BSDC1: variants seen among roughly 807,000 people sequenced by gnomAD.
BSDC1 encodes BSD domain containing 1, also known as BSD domain-containing protein 1.
Under a neutral mutation model 56.0 loss-of-function variants are expected in BSDC1, and 29 were observed. That is an observed-to-expected ratio of 0.52 (90% confidence interval 0.39 to 0.71). The LOEUF (loss-of-function observed/expected upper bound fraction) is 0.71, where lower values mean the gene tolerates loss of function less well. Among genes scored for constraint, BSDC1 ranks in the 30% least tolerant of loss-of-function variants. The pLI, the probability that BSDC1 is intolerant of heterozygous loss-of-function variation, is 0.00. For missense variants in BSDC1, 477 were observed against 548.5 expected (o/e 0.87, Z 1.30); for synonymous variants, 210 against 215.3 (o/e 0.98, Z 0.21).
intron 9 of BSDC1, chr1:32,369,474 A>C (rs1335777091): frequency 2.9e-6 from 1 of 343,214 alleles, no homozygotes; most frequent in African/African-American, 2.2e-5. Context: ...ATGCCACTGC[A>C]GTCCAGCCTG....
At chr1:32,390,780 A>G (rs1264700849) in intron 2 of BSDC1, among the ~76,000 whole-genome samples, 2 of 152,040 alleles carry the variant, frequency 1.3e-5, no homozygotes, top group African/African-American at 4.8e-5. Flanking sequence ...GCGTGATGGT[A>G]CACGCCTATA....
intron 9 of BSDC1, among the ~76,000 whole-genome samples, 198 bp downstream of exon 9, chr1:32,376,064 T>C (rs1487998137): frequency 6.6e-6 from 1 of 152,246 alleles, no homozygotes; most frequent in Admixed American, 6.5e-5. Context: ...CAATTGAAGA[T>C]GCATTCTTAT....
intron 5 of BSDC1, 93 bp downstream of exon 5, chr1:32,381,121 C>T (rs565446984): frequency 2.0e-5 from 26 of 1,277,682 alleles, no homozygotes; most frequent in African/African-American, 1.6e-4. Flanking sequence ...AGGGGGTGCC[C>T]GGCCTCTGCT....
At chr1:32,379,565 A>G (rs1010582822) in intron 5 of BSDC1, among the ~76,000 whole-genome samples, 14 of 151,946 alleles carry the variant, frequency 9.2e-5, no homozygotes, top group African/African-American at 2.4e-4. Flanking sequence ...CCCTTATCCA[A>G]TCACTCTGGA....
intron 3 of BSDC1, among the ~76,000 whole-genome samples, chr1:32,385,183 T>C (rs1012386427): frequency 2.0e-5 from 3 of 152,166 alleles, no homozygotes; most frequent in East Asian, 1.9e-4. Flanking sequence ...CTTCAGAACT[T>C]TGCAGGGATA....
intron 10 of BSDC1, 23 bp from the exon 11 acceptor site, chr1:32,366,677 G>C (rs1371439546): frequency 6.9e-7 from 1 of 1,459,490 alleles, no homozygotes; most frequent in Non-Finnish European, 9.1e-7. Flanking sequence ...GGGGGTAATG[G>C]AAATCACAAA....
intron 2 of BSDC1, among the ~76,000 whole-genome samples, chr1:32,392,971 C>A (rs1421578913): frequency 6.6e-6 from 1 of 152,094 alleles, no homozygotes; most frequent in Non-Finnish European, 1.5e-5. Context: ...GGCTGAGGCA[C>A]AAGAATCACT....
At chr1:32,380,318 A>G (rs751055945) in intron 5 of BSDC1, among the ~76,000 whole-genome samples, 10 of 152,184 alleles carry the variant, frequency 6.6e-5, no homozygotes, top group Non-Finnish European at 1.3e-4. Context: ...GACTTCTCAT[A>G]GTGAAACTAG....
intron 8 of BSDC1, 63 bp downstream of exon 8, chr1:32,377,907 G>T: frequency 1.3e-6 from 2 of 1,497,806 alleles, no homozygotes; most frequent in Non-Finnish European, 1.8e-6. Context: ...CAGAGAGCAT[G>T]GCCCAGCCCA....
chr1:32,394,003 G>A, intron 2 of BSDC1, 77 bp downstream of exon 2: 4 of 1,470,486 alleles, frequency 2.7e-6, no homozygotes, highest in South Asian at 1.2e-5. Context: ...CAAAAGTTGG[G>A]CGGGGCTGGT....
At chr1:32,384,244 T>C (rs1032466055) in intron 3 of BSDC1, among the ~76,000 whole-genome samples, 23 of 139,318 alleles carry the variant, frequency 1.7e-4, no homozygotes, top group African/African-American at 5.9e-4. Flanking sequence ...GGCTGTTTCA[T>C]CAAAATTTCA....
At chr1:32,384,651 C>A (rs965215593) in intron 3 of BSDC1, among the ~76,000 whole-genome samples, 6 of 152,088 alleles carry the variant, frequency 3.9e-5, no homozygotes, top group Non-Finnish European at 5.9e-5. Flanking sequence ...GATAGCCTTG[C>A]CTTGCCTGGG....
intron 2 of BSDC1, 136 bp downstream of exon 2, chr1:32,393,944 G>T: frequency 1.3e-6 from 1 of 759,526 alleles, no homozygotes; most frequent in Non-Finnish European, 2.2e-6. Context: ...GACCGGTAGA[G>T]GCTAAAAGAA....
At chr1:32,371,071 A>G (rs1427854508) in intron 9 of BSDC1, among the ~76,000 whole-genome samples, 1 of 152,042 alleles carries the variant, frequency 6.6e-6, no homozygotes, top group Admixed American at 6.6e-5. Flanking sequence ...GGTAATATTA[A>G]AAAGATATAT....
chr1:32,377,600 G>A (rs1642338891), intron 8 of BSDC1, among the ~76,000 whole-genome samples: 1 of 152,166 alleles, frequency 6.6e-6, no homozygotes, highest in South Asian at 2.1e-4. Flanking sequence ...AAACCAGCCT[G>A]GGCATTAATA....
chr1:32,383,843 T>C lies in BSDC1; in HGVS notation c.344A>G (p.Tyr115Cys), dbSNP rs1490438055. 4 of 1,612,236 alleles carry C rather than the reference T, an allele frequency of 2.5e-6. No homozygotes were observed. The highest frequency in any genetic ancestry group is 1.7e-6 in the Non-Finnish European group (2 of 1,180,016). Residue 115 changes from tyrosine to cysteine, a missense_variant, in exon 4 of 11, where the codon TAT becomes TGT. By Grantham distance (194) the Tyr-to-Cys change is radical. Transcript: ENST00000455895. ...MGTPSGTAEP[Y>C]DGTKARLYSL... ...GTCAGTGAATACCTTGGTGCCATCATAGGGCTCAGCTGTGCCAGACGGTGT... is the reference window on the plus strand; with the variant it reads ...GTCAGTGAATACCTTGGTGCCATCACAGGGCTCAGCTGTGCCAGACGGTGT...
intron 10 of BSDC1, 161 bp downstream of exon 10, chr1:32,368,286 A>G (rs57983539): frequency 3.2e-6 from 5 of 1,570,428 alleles, no homozygotes; most frequent in Non-Finnish European, 3.5e-6. Context: ...CTGATGACCA[A>G]TGTTGTGGGT....
intron 4 of BSDC1, among the ~76,000 whole-genome samples, chr1:32,381,636 T>C (rs1642478964): frequency 1.3e-5 from 2 of 152,214 alleles, no homozygotes; most frequent in South Asian, 4.1e-4. Flanking sequence ...AATAACACAA[T>C]TTCCCTCAAA....
At chr1:32,394,330 C>G in intron 1 of BSDC1, 74 bp downstream of exon 1, 1 of 1,610,518 alleles carries the variant, frequency 6.2e-7, no homozygotes, top group Non-Finnish European at 8.5e-7. Context: ...CGTTCCCCAC[C>G]GGGACTCTCG....
Sources: gnomAD v4.1 joint callset for allele counts (sites outside exome capture counted in the v4.1 genomes callset) on GRCh38, gnomAD v4.1.1 for gene constraint, MANE v1.5 for transcripts, NCBI Gene and HGNC (gene_info 2026-07-23, HGNC 2026-07-21) for gene names.